AMPH: variants seen among roughly 807,000 people sequenced by gnomAD.
AMPH encodes amphiphysin (Stiff-Mann syndrome with breast cancer 128kD autoantigen).
Under a neutral mutation model 99.1 loss-of-function variants are expected in AMPH, and 49 were observed. The observed-to-expected ratio is 0.49, with a 90% CI of 0.39 to 0.63. The LOEUF is 0.63. AMPH is among the 20% of genes least tolerant of loss of function. The probability of loss-of-function intolerance (pLI) is 0.00; values close to 1 mark genes in which losing one functional copy is unlikely to be tolerated. For missense variants in AMPH, 759 were observed against 863.4 expected (o/e 0.88, Z 1.52); for synonymous variants, 314 against 317.3 (o/e 0.99, Z 0.11).
At chr7:38,461,791 C>T (rs528578416) in intron 10 of AMPH, among the ~76,000 whole-genome samples, 44 of 152,322 alleles carry the variant, frequency 2.9e-4, no homozygotes, top group African/African-American at 9.9e-4. Flanking sequence ...ACTAAAGCAG[C>T]TTTTCATTTG....
intron 1 of AMPH, among the ~76,000 whole-genome samples, chr7:38,606,006 C>T (rs145336503): frequency 9.2e-5 from 14 of 152,198 alleles, no homozygotes; most frequent in African/African-American, 2.9e-4. Context: ...AGAAAACGCT[C>T]GTGTCCTTAC....
chr7:38,516,097 T>C (rs572583539), intron 2 of AMPH, among the ~76,000 whole-genome samples: 1 of 152,340 alleles, frequency 6.6e-6, no homozygotes, highest in South Asian at 2.1e-4. Flanking sequence ...TTGGAAAATT[T>C]GCAGCCTGGC....
intron 11 of AMPH, among the ~76,000 whole-genome samples, chr7:38,442,167 G>T (rs1379331243): frequency 6.6e-6 from 1 of 152,058 alleles, no homozygotes; most frequent in Non-Finnish European, 1.5e-5. Flanking sequence ...TAATACTTGG[G>T]TGAGGAAGTG....
intron 17 of AMPH, among the ~76,000 whole-genome samples, chr7:38,395,239 A>C (rs75825746): frequency 0.058 from 8,822 of 152,274 alleles, 357 homozygotes; most frequent in East Asian, 0.19. Flanking sequence ...AAAAATACAT[A>C]AGGAAGCTTT....
intron 1 of AMPH, among the ~76,000 whole-genome samples, chr7:38,549,143 C>A (rs1791094771): frequency 6.6e-6 from 1 of 152,202 alleles, no homozygotes; most frequent in African/African-American, 2.4e-5. Context: ...CTCCTTTACC[C>A]TCACTATCTG....
Position 38,467,389 on chromosome 7 carries a change from G to A in AMPH, c.591-1141C>T, listed in dbSNP as rs572234448. Among the ~76,000 whole-genome samples the A allele has an allele frequency of 2.4e-4, 37 of 152,292 alleles. 1 individual carries two copies. The highest frequency in any genetic ancestry group is 8.2e-4 in the African/African-American group (34 of 41,558). ...TACATTATGCAGAGGGACCCCACTC[G>A]CAGTGTTTGCAGAGAAGTCTTCTGG... On this transcript the variant is annotated intron_variant, in intron 7 of 20. Coordinates refer to ENST00000356264, the MANE Select transcript of AMPH (RefSeq NM_001635.4).
chr7:38,441,636 C>T (rs931211673), intron 11 of AMPH, among the ~76,000 whole-genome samples: 1 of 151,516 alleles, frequency 6.6e-6, no homozygotes, highest in Non-Finnish European at 1.5e-5. Context: ...TATAAAGACA[C>T]ATGCATTTGT....
intron 1 of AMPH, among the ~76,000 whole-genome samples, chr7:38,612,944 C>A (rs1419316990): frequency 6.6e-6 from 1 of 152,070 alleles, no homozygotes; most frequent in Non-Finnish European, 1.5e-5. Flanking sequence ...TTGAGAAAGA[C>A]ATTGAAATCC....
At chr7:38,571,281 T>TATATATAGAA (rs1562835247) in intron 1 of AMPH, among the ~76,000 whole-genome samples, 3,458 of 43,530 alleles carry the variant, frequency 0.079, 524 homozygotes, top group Admixed American at 0.15. Context: ...ATATATATTT[T>TATATATAGAA]TATATATATT....
intron 1 of AMPH, among the ~76,000 whole-genome samples, chr7:38,541,609 G>A (rs1341656387): frequency 1.3e-5 from 2 of 152,190 alleles, no homozygotes; most frequent in Non-Finnish European, 2.9e-5. Context: ...AGCCTCTGAG[G>A]CTGGCATGAG....
At chr7:38,482,564 C>A (rs1303102407) in intron 5 of AMPH, among the ~76,000 whole-genome samples, 2 of 152,024 alleles carry the variant, frequency 1.3e-5, no homozygotes, top group Non-Finnish European at 2.9e-5. Context: ...ATTACATGCT[C>A]CTAGACAGTG....
intron 11 of AMPH, among the ~76,000 whole-genome samples, chr7:38,447,028 T>C (rs7804213): frequency 0.024 from 3,266 of 136,434 alleles, 116 homozygotes; most frequent in African/African-American, 0.086. Flanking sequence ...TTTTTTTTTT[T>C]GTTTGTTTGA....
At chr7:38,440,508 T>C (rs1786464409) in intron 11 of AMPH, among the ~76,000 whole-genome samples, 2 of 152,194 alleles carry the variant, frequency 1.3e-5, no homozygotes, top group South Asian at 2.1e-4. Context: ...TAGGTAACTA[T>C]ATGTGAGTTT....
At chr7:38,564,217 T>G (rs939441370) in intron 1 of AMPH, among the ~76,000 whole-genome samples, 1 of 152,192 alleles carries the variant, frequency 6.6e-6, no homozygotes, top group Non-Finnish European at 1.5e-5. Flanking sequence ...TAGTTTCAGA[T>G]GATGGGTCTG....
At chr7:38,536,465 T>G (rs1202656838) in intron 1 of AMPH, among the ~76,000 whole-genome samples, 1 of 152,218 alleles carries the variant, frequency 6.6e-6, no homozygotes, top group Non-Finnish European at 1.5e-5. Flanking sequence ...GAGGTCAATT[T>G]TCTTCGGAGC....
rs372075762 is a variant in AMPH, at chr7:38,475,316, G to C, written c.590+15C>G. ...CTAAAAGGAACATGTGCAACCCATA[G>C]AGAAACATTTTTACCTTGACCATAA... On this transcript the variant is annotated intron_variant, in intron 7 of 20. Coordinates refer to ENST00000356264, the MANE Select transcript of AMPH (RefSeq NM_001635.4). 1.0e-4 allele frequency: 165 copies of C among 1,574,638 alleles called. No individual in the cohort carries two copies. The highest frequency in any genetic ancestry group is 1.4e-4 in the Non-Finnish European group (159 of 1,145,300).
chr7:38,401,223 A>G (rs1784831553), intron 17 of AMPH, among the ~76,000 whole-genome samples: 1 of 152,232 alleles, frequency 6.6e-6, no homozygotes, highest in African/African-American at 2.4e-5. Context: ...ACACATTTCA[A>G]TAATTTAAAT....
chr7:38,525,275 T>TAGAGAGAGAGAGAG (rs1209069502), intron 2 of AMPH, among the ~76,000 whole-genome samples: 2 of 86,300 alleles, frequency 2.3e-5, no homozygotes, highest in Admixed American at 1.1e-4. Flanking sequence ...TATATATATA[T>TAGAGAGAGAGAGAG]ATAGAGAGAG....
chr7:38,544,991 A>C lies in AMPH; in HGVS notation c.70-9980T>G, dbSNP rs138823620. Among the ~76,000 whole-genome samples, 4 of 152,338 alleles carry C rather than the reference A, an allele frequency of 2.6e-5. No individual in the cohort carries two copies. The East Asian group carries it at 7.7e-4, about 29-fold the overall frequency. ...GATACAGATGGATCTTTTAGAGCTAAAGGGATACTGTAGAGTCTATGGAAA... is the reference window on the plus strand; with the variant it reads ...GATACAGATGGATCTTTTAGAGCTACAGGGATACTGTAGAGTCTATGGAAA... On this transcript the variant is annotated intron_variant, in intron 1 of 20. Transcript: ENST00000356264.
Sources: allele counts gnomAD v4.1 joint callset (sites outside exome capture counted in the v4.1 genomes callset), GRCh38; gene constraint gnomAD v4.1.1; transcripts MANE v1.5; gene names NCBI Gene and HGNC (gene_info 2026-07-23, HGNC 2026-07-21).